Variants in UBE2L3 observed in about 807,000 individuals in gnomAD.
The protein encoded by UBE2L3 is ubiquitin-conjugating enzyme E2 L3.
A neutral mutation model predicts 17.8 loss-of-function variants in UBE2L3; 1 was observed. The ratio of observed to expected loss-of-function variants is 0.06; its 90% CI spans 0.02 to 0.27. The LOEUF is 0.27. UBE2L3 is among the 10% of genes least tolerant of loss of function. The pLI, the probability that UBE2L3 is intolerant of heterozygous loss-of-function variation, is 1.00. For synonymous variants in UBE2L3, 44 were observed against 68.5 expected, an observed-to-expected ratio of 0.64 and a Z score of 1.76; for missense variants, 40 against 192.6, an observed-to-expected ratio of 0.21 and a Z score of 4.69.
intron 2 of UBE2L3, among the ~76,000 whole-genome samples, chr22:21,593,245 C>T (rs1298384801): frequency 2.0e-5 from 3 of 152,154 alleles, no homozygotes; most frequent in African/African-American, 7.2e-5. Flanking sequence ...GACTTCCCTG[C>T]GCCTGGCCTG....
At chr22:21,558,858 A>G (rs1926332306) in intron 1 of UBE2L3, among the ~76,000 whole-genome samples, 1 of 152,016 alleles carries the variant, frequency 6.6e-6, no homozygotes, top group East Asian at 1.9e-4. Flanking sequence ...TGTCTAGAAC[A>G]GTGCCTGGCA....
In UBE2L3 at chr22:21,622,450, CTG is replaced by C. The variant is rs1227005230; in HGVS notation, c.*788_*789del. 6.5e-6 allele frequency: 1 copy of C among 152,896 alleles called. No individual in the cohort carries two copies. Among genetic ancestry groups the C allele is most frequent in the East Asian group, 1.9e-4 (1 of 5,342 alleles). The allele number at this position is 152,896 out of a possible 1,614,324, so 9.5% of individuals were successfully genotyped here. On this transcript the variant is annotated 3_prime_UTR_variant, in exon 4 of 4. Transcript: ENST00000342192. ...GCTAGTCAGGAGGATGCTGTGCACA[CTG>C]TGTGTGATGAATCTCGCCAGAAAGG...
intron 3 of UBE2L3, among the ~76,000 whole-genome samples, chr22:21,612,990 A>G (rs1393908795): frequency 6.6e-6 from 1 of 152,136 alleles, no homozygotes; most frequent in Non-Finnish European, 1.5e-5. Flanking sequence ...CTATAGCTGC[A>G]TTTGATCAAG....
chr22:21,580,605 A>G (rs1184496608), intron 1 of UBE2L3, among the ~76,000 whole-genome samples: 2 of 151,976 alleles, frequency 1.3e-5, no homozygotes, highest in South Asian at 4.1e-4. Context: ...ATGTGCCACC[A>G]TGCCTGGCTA....
At chr22:21,615,035 A>G (rs1929691493) in intron 3 of UBE2L3, among the ~76,000 whole-genome samples, 1 of 151,698 alleles carries the variant, frequency 6.6e-6, no homozygotes, top group South Asian at 2.1e-4. Context: ...GGCGCCTGTA[A>G]TCCCAGCTAC....
At chr22:21,565,868 T>A (rs1423511399), upstream of UBE2L3, among the ~76,000 whole-genome samples, 5 of 150,024 alleles carry the variant, frequency 3.3e-5, no homozygotes, top group Admixed American at 1.3e-4. Flanking sequence ...CAAACCACTG[T>A]CACCTCTTTG....
At chr22:21,620,870 C>T (rs376358539) in intron 3 of UBE2L3, among the ~76,000 whole-genome samples, 109 of 152,238 alleles carry the variant, frequency 7.2e-4, no homozygotes, top group Middle Eastern at 3.4e-3. Flanking sequence ...TTCCCTGAGC[C>T]GAGCATGGTG....
At chr22:21,601,263 T>C (rs1928842100) in intron 2 of UBE2L3, among the ~76,000 whole-genome samples, 4 of 152,094 alleles carry the variant, frequency 2.6e-5, no homozygotes, top group African/African-American at 9.7e-5. Flanking sequence ...ACATATTCCA[T>C]GTTCAGAAGT....
chr22:21,563,241 C>CAAA (rs34642040), upstream of UBE2L3, among the ~76,000 whole-genome samples: 1,703 of 54,338 alleles, frequency 0.031, 72 homozygotes, highest in African/African-American at 0.11. Context: ...GACTCCGTCT[C>CAAA]AAAAAAAAAA....
At chr22:21,576,972 T>G (rs992870437) in intron 1 of UBE2L3, among the ~76,000 whole-genome samples, 2 of 144,910 alleles carry the variant, frequency 1.4e-5, no homozygotes, top group African/African-American at 5.0e-5. Flanking sequence ...CCTGGCTAAT[T>G]TTTTTTTTTT....
At chr22:21,595,181 G>A (rs1040715582) in intron 2 of UBE2L3, among the ~76,000 whole-genome samples, 2 of 152,222 alleles carry the variant, frequency 1.3e-5, no homozygotes, top group African/African-American at 2.4e-5. Flanking sequence ...CCTTGGAGAC[G>A]GTAAGCAACA....
At chr22:21,594,243 G>A (rs1344296584) in intron 2 of UBE2L3, among the ~76,000 whole-genome samples, 1 of 152,236 alleles carries the variant, frequency 6.6e-6, no homozygotes, top group Non-Finnish European at 1.5e-5. Flanking sequence ...CTTTGCCAAA[G>A]CAGAGCATGG....
At chr22:21,578,412 A>G (rs981750267) in intron 1 of UBE2L3, among the ~76,000 whole-genome samples, 3 of 151,654 alleles carry the variant, frequency 2.0e-5, no homozygotes, top group Non-Finnish European at 4.4e-5. Context: ...AAGCTTCCTG[A>G]AGGATTCTCC....
chr22:21,589,690 T>C (rs766573315), intron 1 of UBE2L3, among the ~76,000 whole-genome samples: 3 of 152,182 alleles, frequency 2.0e-5, no homozygotes, highest in Non-Finnish European at 4.4e-5. Flanking sequence ...TCTACTATGG[T>C]ATGCTCATCA....
At chr22:21,562,651 G>A (rs1319996370) in intron 1 of UBE2L3, among the ~76,000 whole-genome samples, 1 of 148,890 alleles carries the variant, frequency 6.7e-6, no homozygotes, top group Middle Eastern at 3.5e-3. Context: ...GATTACAGGC[G>A]TGAGCCACCA....
intron 3 of UBE2L3, among the ~76,000 whole-genome samples, chr22:21,616,494 C>CA (rs1325393133): frequency 7.3e-5 from 11 of 151,538 alleles, no homozygotes; most frequent in African/African-American, 1.7e-4. Context: ...ACTAAAAATA[C>CA]AAAAAAAATT....
At chr22:21,612,895 C>G (rs1334022202) in intron 3 of UBE2L3, among the ~76,000 whole-genome samples, 1 of 152,072 alleles carries the variant, frequency 6.6e-6, no homozygotes, top group African/African-American at 2.4e-5. Flanking sequence ...CCTCAGCCTC[C>G]CAAAGTGCTG....
intron 2 of UBE2L3, among the ~76,000 whole-genome samples, chr22:21,608,741 ATTTT>A (rs779049247): frequency 9.1e-6 from 1 of 109,860 alleles, no homozygotes; most frequent in Non-Finnish European, 1.8e-5. Context: ...AATATATTTA[ATTTT>A]TTTTTTTTTT....
intron 2 of UBE2L3, among the ~76,000 whole-genome samples, chr22:21,598,013 C>T (rs1299031142): frequency 2.0e-5 from 3 of 146,956 alleles, no homozygotes; most frequent in Non-Finnish European, 4.5e-5. Flanking sequence ...ATTGCACAGG[C>T]TGGTCTTGAA....
Sources: allele counts gnomAD v4.1 joint callset (sites outside exome capture counted in the v4.1 genomes callset), GRCh38; gene constraint gnomAD v4.1.1; transcripts MANE v1.5; gene names NCBI Gene and HGNC (gene_info 2026-07-23, HGNC 2026-07-21).